The following KMT2A variants were observed in gnomAD, a reference collection of about 807,000 sequenced individuals.
KMT2A encodes the protein lysine methyltransferase 2A, also known as histone-lysine N-methyltransferase 2A.
Under a neutral mutation model 345.3 loss-of-function variants are expected in KMT2A, and 16 were observed. The ratio of observed to expected loss-of-function variants is 0.05; its 90% CI spans 0.03 to 0.07. The LOEUF is 0.07. Ranked by LOEUF, KMT2A falls within the 10% of genes least tolerant of loss-of-function variation. The pLI is 1.00. For missense variants in KMT2A, 3,272 were observed against 4,841.6 expected, an observed-to-expected ratio of 0.68 and a Z score of 9.62; for synonymous variants, 1,599 against 1,778.6, an observed-to-expected ratio of 0.90 and a Z score of 2.54.
chr11:118,462,316 T>TGTTTG (rs1949760761), intron 1 of KMT2A, among the ~76,000 whole-genome samples: 1 of 151,886 alleles, frequency 6.6e-6, no homozygotes, highest in Non-Finnish European at 1.5e-5. Flanking sequence ...TTAGTTTTTT[T>TGTTTG]GTTTTGTTTT....
In KMT2A at chr11:118,472,295, C is replaced by G. The variant is rs1555035819; in HGVS notation, c.1136C>G (p.Ala379Gly). The G allele has an allele frequency of 6.2e-7, 1 of 1,613,458 alleles. No individual in the cohort carries two copies. Among genetic ancestry groups the G allele is most frequent in the Non-Finnish European group, 8.5e-7 (1 of 1,179,880 alleles). ...ATIAKQLLQR[A>G]KKGAQKKIEK... ...ATTGCTAAGCAACTCTTACAGAGGG[C>G]AAAAAAGGGGGCTCAAAAGAAAATT... The change falls in exon 3 of 36, where the codon GCA becomes GGA. Residue 379 changes from alanine to glycine, a missense_variant. This residue lies in a region of KMT2A where 412 missense variants were observed against 511.0 expected (regional missense o/e 0.81). Transcript: ENST00000534358.
intron 1 of KMT2A, among the ~76,000 whole-genome samples, chr11:118,463,828 A>G (rs1591366204): frequency 6.6e-6 from 1 of 152,358 alleles, no homozygotes; most frequent in African/African-American, 2.4e-5. Flanking sequence ...ATGCACCAAA[A>G]TAAACTTGCA....
At chr11:118,438,794 A>G (rs1555139415) in intron 1 of KMT2A, among the ~76,000 whole-genome samples, 1 of 151,944 alleles carries the variant, frequency 6.6e-6, no homozygotes, top group African/African-American at 2.4e-5. Flanking sequence ...CCTGATCAGG[A>G]GACTGACAAC....
Position 118,484,261 on chromosome 11 carries a change from T to C in KMT2A, c.4165T>C (p.Ser1389Pro). 1 of 1,614,142 alleles carries C rather than the reference T, an allele frequency of 6.2e-7. No individual in the cohort carries two copies. The highest frequency in any genetic ancestry group is 2.2e-5 in the East Asian group (1 of 44,878). Residue 1389 changes from serine (S) to proline (P), a missense_variant, in exon 9 of 36, where the codon TCT (serine) becomes CCT (proline). Physicochemically the swap from Ser to Pro is moderately conservative, Grantham distance 74. This residue lies in a region of KMT2A where 168 missense variants were observed against 216.0 expected (regional missense o/e 0.78). Transcript: ENST00000534358. The surrounding 1 kb of genome is among the most constrained non-coding windows in gnomAD (Gnocchi z 4.1). ...ILSTLSNGNS[S>P]KQKIPADGVH... is the part of the protein sequence containing the mutation. ...CAGCACTCTCTCCAATGGCAATAGT[T>C]CTAAGCAAAAAATTCCAGCAGATGG...
chr11:118,477,503 T>TTC (rs1950059870), intron 4 of KMT2A, among the ~76,000 whole-genome samples: 1 of 100,424 alleles, frequency 1.0e-5, no homozygotes, highest in Non-Finnish European at 2.0e-5. Flanking sequence ...ATTGGCTTTT[T>TTC]TTTTTTTTTT....
Position 118,526,161 on chromosome 11 carries a change from A to T in KMT2A, c.*3989A>T. The T allele has an allele frequency of 4.6e-6, 1 of 216,352 alleles. No individual in the cohort carries two copies. The highest frequency in any genetic ancestry group is 6.9e-5 in the East Asian group (1 of 14,492). 13.4% of individuals were successfully genotyped at this position (216,352 alleles called of 1,614,324 possible). ...GAAATGGGGGGAACCTCTAACCATA[A>T]AGGAATGGTAGAACAGTCCATTCCT... On this transcript the variant is annotated 3_prime_UTR_variant, in exon 36 of 36. Transcript: ENST00000534358.
At position 118,521,467 on chromosome 11, in the gene KMT2A, G is replaced by C; in HGVS notation, c.11643+50G>C. 6.2e-7 allele frequency: 1 copy of C among 1,605,366 alleles called. No individual in the cohort carries two copies. Among genetic ancestry groups the C allele is most frequent in the Middle Eastern group, 1.7e-4 (1 of 6,036 alleles). On this transcript the variant is annotated intron_variant, in intron 35 of 35. Transcript: ENST00000534358. This position sits in a 1 kb window ranked among gnomAD's most constrained non-coding sequence, Gnocchi z 5.3. ...CAGTTCTTTTGTTTTGCTGTAGAAA[G>C]GGACCAGTATGACCCCTGGATCACA... is the stretch of plus-strand genomic sequence containing the variant.
At chr11:118,461,834 T>TA (rs1949749591) in intron 1 of KMT2A, among the ~76,000 whole-genome samples, 1 of 152,252 alleles carries the variant, frequency 6.6e-6, no homozygotes, top group African/African-American at 2.4e-5. Context: ...CCAACACTCT[T>TA]ACCTTGTTTC....
intron 31 of KMT2A, among the ~76,000 whole-genome samples, chr11:118,514,260 G>A (rs1279507754): frequency 5.3e-5 from 8 of 152,076 alleles, no homozygotes; most frequent in Admixed American, 4.6e-4. Flanking sequence ...GGATACAGTC[G>A]CTGAGTAGCG....
chr11:118,458,077 A>T (rs1477477152), intron 1 of KMT2A: 1 of 280,288 alleles, frequency 3.6e-6, no homozygotes, highest in African/African-American at 2.3e-5. Context: ...ATGCTTTCAA[A>T]TTTATTTTAT....
At position 118,506,315 on chromosome 11, in the gene KMT2A, C is replaced by T; in HGVS notation, c.10423C>T (p.Leu3475Phe). The change falls in exon 27 of 36, where the codon CTT becomes TTT. Residue 3475 changes from leucine (L) to phenylalanine (F), a missense_variant. Transcript: ENST00000534358. ...KTGIHSSQRDLDSASGPQVSN... is the reference protein window; with the variant it reads ...KTGIHSSQRDFDSASGPQVSN... ...TGGGATTCATTCTTCCCAGCGTGAT[C>T]TTGATTCTGCTTCAGGGCCCCAGGT... 6.2e-7 allele frequency: 1 copy of T among 1,614,186 alleles called. No homozygotes were observed. Among genetic ancestry groups the T allele is most frequent in the Non-Finnish European group, 8.5e-7 (1 of 1,180,032 alleles).
chr11:118,484,926 T>C lies in KMT2A; in HGVS notation c.4283T>C (p.Ile1428Thr). ...GGLGILTSVP[I>T]TPRVVCFLCA... ...TTAGGAATCTTGACTTCTGTTCCTA[T>C]AACACCCAGGGTGGTTTGCTTTCTC... The change falls in exon 10 of 36, where the codon ATA becomes ACA. Residue 1428 changes from isoleucine (I) to threonine (T), a missense_variant. Ile to Thr is a moderately conservative substitution (Grantham distance 89, BLOSUM62 -1). Transcript: ENST00000534358. The surrounding 1 kb of genome is among the most constrained non-coding windows in gnomAD (Gnocchi z 4.1). 6.2e-7 allele frequency: 1 copy of C among 1,614,016 alleles called. No homozygotes were observed. Among genetic ancestry groups the C allele is most frequent in the Admixed American group, 1.7e-5 (1 of 60,006 alleles).
rs782489094 is a variant in KMT2A, at chr11:118,481,708, C to T, written c.3635-7C>T. The T allele has an allele frequency of 1.5e-5, 24 of 1,601,112 alleles. 1 individual carries two copies. Among genetic ancestry groups the T allele is most frequent in the Admixed American group, 3.5e-5 (2 of 56,854 alleles). On this transcript the variant is annotated splice_polypyrimidine_tract_variant and splice_region_variant and intron_variant, in intron 6 of 35. Transcript: ENST00000534358. ...AGACAGATGATGTTGTTGTGTTTTT[C>T]CCTCAGCTGTGAAAAAGAAAGAGAA...
At chr11:118,468,619 A>G in intron 1 of KMT2A, 156 bp from the exon 2 acceptor site, 3 of 616,180 alleles carry the variant, frequency 4.9e-6, no homozygotes, top group Non-Finnish European at 8.9e-6. Flanking sequence ...ATTTATTTCA[A>G]TATTAGTTAT....
In KMT2A at chr11:118,505,755, T is replaced by C; in HGVS notation, c.9863T>C (p.Ile3288Thr). ...NTSSHRTVPN[I>T]IKRSKSSIMY... is the part of the protein sequence containing the mutation. ...TCATCTCACCGAACTGTCCCCAACATCATAAAAAGATCTAAATCTAGCATC... is the reference window on the plus strand; with the variant it reads ...TCATCTCACCGAACTGTCCCCAACACCATAAAAAGATCTAAATCTAGCATC... Residue 3288 changes from isoleucine (I) to threonine (T), a missense_variant, in exon 27 of 36, where the codon ATC becomes ACC. Physicochemically the swap from Ile to Thr is moderately conservative, Grantham distance 89 (BLOSUM62 -1). Around this residue, in one of 27 missense-constraint regions of KMT2A, gnomAD observed 748 missense variants for 922.2 expected, o/e 0.81. Coordinates refer to ENST00000534358, the MANE Select transcript of KMT2A (RefSeq NM_001197104.2). This position sits in a 1 kb window ranked among gnomAD's most constrained non-coding sequence, Gnocchi z 4.6. 6.2e-7 allele frequency: 1 copy of C among 1,614,044 alleles called. No individual in the cohort carries two copies. The highest frequency in any genetic ancestry group is 2.2e-5 in the East Asian group (1 of 44,896).
intron 1 of KMT2A, chr11:118,439,158 C>CAAAAAAAAAAAAAGA: frequency 1.9e-5 from 5 of 265,444 alleles, no homozygotes; most frequent in African/African-American, 3.3e-5. Flanking sequence ...GATACAGCAG[C>CAAAAAAAAAAAAAGA]AAAAAAAAAA....
In KMT2A at chr11:118,520,507, C is replaced by G. The variant is rs1411329292; in HGVS notation, c.11430-295C>G. 1 of 377,208 alleles carries G rather than the reference C, an allele frequency of 2.7e-6. No homozygotes were observed. The highest frequency in any genetic ancestry group is 4.0e-5 in the Admixed American group (1 of 25,066). The allele number at this position is 377,208 out of a possible 1,614,324, so 23.4% of individuals were successfully genotyped here. ...CTCTACTAAAAATACAAAAATTAGC[C>G]CGGCGTGGTGGCGCGCGCCTGTAGT... On this transcript the variant is annotated intron_variant, in intron 33 of 35. Coordinates refer to ENST00000534358, the MANE Select transcript of KMT2A (RefSeq NM_001197104.2). The surrounding 1 kb of genome is among the most constrained non-coding windows in gnomAD (Gnocchi z 4.3).
chr11:118,437,988 C>T (rs1010190405), intron 1 of KMT2A, among the ~76,000 whole-genome samples: 1 of 152,114 alleles, frequency 6.6e-6, no homozygotes. Context: ...CCTGAGAGCA[C>T]GCAGTCTCCA....
intron 31 of KMT2A, among the ~76,000 whole-genome samples, chr11:118,514,412 A>G (rs1950761227): frequency 6.8e-6 from 1 of 147,214 alleles, no homozygotes; most frequent in African/African-American, 2.5e-5. Context: ...ACACTACACT[A>G]TTTACTGTTC....
Sources: allele counts gnomAD v4.1 joint callset (sites outside exome capture counted in the v4.1 genomes callset), GRCh38; gene constraint gnomAD v4.1.1; regional missense constraint gnomAD v4.1.1; non-coding constraint Gnocchi (gnomAD v3.1); transcripts MANE v1.5; gene names NCBI Gene and HGNC (gene_info 2026-07-23, HGNC 2026-07-21).